CAMKMT: variants seen among roughly 807,000 people sequenced by gnomAD.
CAMKMT encodes the protein calmodulin-lysine N-methyltransferase, also known as CaM KMT.
A neutral mutation model predicts 48.0 loss-of-function variants in CAMKMT; 53 were observed. That is an observed-to-expected ratio of 1.10 (90% confidence interval 0.89 to 1.39). The LOEUF (loss-of-function observed/expected upper bound fraction) is 1.39, where lower values mean the gene tolerates loss of function less well. Ranked by LOEUF, CAMKMT falls within the 40% of genes most tolerant of loss-of-function variation. The pLI is 0.00. For synonymous variants in CAMKMT, 165 were observed against 152.3 expected (o/e 1.08, Z -0.61); for missense variants, 428 against 402.7 (o/e 1.06, Z -0.54).
chr2:44,516,975 C>T (rs1353885114), intron 3 of CAMKMT, among the ~76,000 whole-genome samples: 1 of 152,116 alleles, frequency 6.6e-6, no homozygotes, highest in Non-Finnish European at 1.5e-5. Flanking sequence ...CTCCTGACCT[C>T]AAATGATCCA....
At chr2:44,550,721 G>A (rs571093784) in intron 3 of CAMKMT, 1 of 151,886 alleles carries the variant, frequency 6.6e-6, no homozygotes, top group African/African-American at 2.4e-5. Context: ...TGCAGTGACT[G>A]GATGAGTCAA....
At chr2:44,605,122 T>C (rs1671211796) in intron 3 of CAMKMT, among the ~76,000 whole-genome samples, 1 of 152,172 alleles carries the variant, frequency 6.6e-6, no homozygotes, top group Admixed American at 6.5e-5. Flanking sequence ...TTCCCTGCTC[T>C]TTTTCTTAAT....
At chr2:44,582,001 A>G (rs1669594678) in intron 3 of CAMKMT, among the ~76,000 whole-genome samples, 1 of 152,292 alleles carries the variant, frequency 6.6e-6, no homozygotes, top group Admixed American at 6.5e-5. Flanking sequence ...TCCGTCTCAA[A>G]AACAAAAACA....
intron 3 of CAMKMT, among the ~76,000 whole-genome samples, chr2:44,477,352 G>A (rs369293044): frequency 1.3e-5 from 2 of 152,160 alleles, no homozygotes; most frequent in South Asian, 4.1e-4. Flanking sequence ...TGGTGTATTG[G>A]TTTCAGTACA....
intron 3 of CAMKMT, among the ~76,000 whole-genome samples, chr2:44,644,742 T>C (rs1673641715): frequency 6.6e-6 from 1 of 152,226 alleles, no homozygotes; most frequent in African/African-American, 2.4e-5. Context: ...TAGACTTTTA[T>C]AGCTTGGGGT....
intron 3 of CAMKMT, among the ~76,000 whole-genome samples, chr2:44,485,718 T>C (rs1029722790): frequency 1.3e-5 from 2 of 152,150 alleles, no homozygotes; most frequent in African/African-American, 2.4e-5. Context: ...AAAACTGATA[T>C]TATAATCTGA....
intron 2 of CAMKMT, among the ~76,000 whole-genome samples, chr2:44,375,808 A>G (rs1679629211): frequency 2.6e-5 from 4 of 151,704 alleles, no homozygotes; most frequent in Admixed American, 2.6e-4. Flanking sequence ...TTTTTAGAGA[A>G]GGAGTCTCAA....
intron 3 of CAMKMT, among the ~76,000 whole-genome samples, chr2:44,530,351 G>T (rs1376089293): frequency 1.3e-5 from 2 of 152,180 alleles, no homozygotes; most frequent in Non-Finnish European, 2.9e-5. Context: ...ACTTTGAGAT[G>T]ACTTAAAAAT....
intron 3 of CAMKMT, among the ~76,000 whole-genome samples, chr2:44,402,330 A>G: frequency 1.7e-5 from 1 of 60,180 alleles, no homozygotes; most frequent in Non-Finnish European, 4.4e-5. Context: ...CTCTGTCTAA[A>G]AAAAAAAAAA....
chr2:44,564,203 T>A (rs1572810500), intron 3 of CAMKMT, among the ~76,000 whole-genome samples: 1 of 149,770 alleles, frequency 6.7e-6, no homozygotes, highest in Non-Finnish European at 1.5e-5. Context: ...TGAGACGGAA[T>A]CTCACTCTCT....
chr2:44,703,036 C>T (rs1315220571), intron 3 of CAMKMT, among the ~76,000 whole-genome samples: 1 of 152,124 alleles, frequency 6.6e-6, no homozygotes, highest in Non-Finnish European at 1.5e-5. Flanking sequence ...GCCACCCGTT[C>T]CCAGGACTGC....
intron 3 of CAMKMT, among the ~76,000 whole-genome samples, chr2:44,595,800 A>C (rs1205479144): frequency 3.3e-5 from 5 of 152,242 alleles, no homozygotes. Flanking sequence ...AATAGTATGC[A>C]GCTGTAAAAA....
chr2:44,487,601 G>C (rs1232972308), intron 3 of CAMKMT, among the ~76,000 whole-genome samples: 1 of 152,158 alleles, frequency 6.6e-6, no homozygotes, highest in Non-Finnish European at 1.5e-5. Context: ...GCCTAAACCA[G>C]GTAACCGGAG....
At chr2:44,411,461 A>G (rs187125396) in intron 3 of CAMKMT, among the ~76,000 whole-genome samples, 29 of 152,352 alleles carry the variant, frequency 1.9e-4, no homozygotes, top group African/African-American at 6.5e-4. Context: ...GTCATATGTT[A>G]TCTCTAGATT....
chr2:44,559,410 G>C (rs969941644), intron 3 of CAMKMT, among the ~76,000 whole-genome samples: 2 of 152,210 alleles, frequency 1.3e-5, no homozygotes, highest in African/African-American at 4.8e-5. Context: ...GTTCCTCTCT[G>C]TGATAATGTA....
At chr2:44,390,587 C>T (rs1159613774) in intron 3 of CAMKMT, among the ~76,000 whole-genome samples, 1 of 151,756 alleles carries the variant, frequency 6.6e-6, no homozygotes, top group Non-Finnish European at 1.5e-5. Flanking sequence ...TCAGAAAGAA[C>T]ACTGGACACT....
chr2:44,363,187 C>T (rs955532575), intron 1 of CAMKMT, among the ~76,000 whole-genome samples: 21 of 152,186 alleles, frequency 1.4e-4, no homozygotes, highest in Admixed American at 1.4e-3. Flanking sequence ...GATACATTGA[C>T]AGTCTTTCCA....
At chr2:44,512,307 C>G (rs570148968) in intron 3 of CAMKMT, among the ~76,000 whole-genome samples, 2 of 152,270 alleles carry the variant, frequency 1.3e-5, no homozygotes, top group East Asian at 3.9e-4. Flanking sequence ...TCTTTATAAA[C>G]TGAGGCTAAT....
chr2:44,427,230 T>G (rs1237205837), intron 3 of CAMKMT, among the ~76,000 whole-genome samples: 2 of 152,140 alleles, frequency 1.3e-5, no homozygotes, highest in African/African-American at 2.4e-5. Context: ...TAGGAAATAC[T>G]CTTCTGGACA....
Sources: allele counts gnomAD v4.1 joint callset (sites outside exome capture counted in the v4.1 genomes callset), GRCh38; gene constraint gnomAD v4.1.1; transcripts MANE v1.5; gene names NCBI Gene and HGNC (gene_info 2026-07-23, HGNC 2026-07-21).